The following CYP26A1 variants were observed in gnomAD, a reference collection of about 807,000 sequenced individuals.
The protein encoded by CYP26A1 is cytochrome P450 26A1.
CYP26A1 carries 46 observed loss-of-function variants against 47.4 expected under a neutral mutation model. The observed-to-expected ratio is 0.97, with a 90% confidence interval of 0.77 to 1.24. The LOEUF (loss-of-function observed/expected upper bound fraction) is 1.24. Ranked by LOEUF, CYP26A1 falls within the 50% of genes most tolerant of loss-of-function variation. CYP26A1 has a pLI of 0.00. For missense variants in CYP26A1, 680 were observed against 644.4 expected, an observed-to-expected ratio of 1.06 and a Z score of -0.60; for synonymous variants, 277 against 263.7, an observed-to-expected ratio of 1.05 and a Z score of -0.49.
At chr10:93,076,479 G>A (rs906041281) in intron 5 of CYP26A1, 65 bp from the exon 6 acceptor site, 24 of 1,160,832 alleles carry the variant, frequency 2.1e-5, no homozygotes, top group East Asian at 1.4e-4. Flanking sequence ...CCCTGTTTAC[G>A]TCTGCTGGGC....
In CYP26A1 at chr10:93,074,935, C is replaced by T. The variant is rs765973564; in HGVS notation, c.571C>T (p.Arg191Cys). ...VKRLMFRIAM[R>C]ILLGCEPQLA... ...GCGCCTCATGTTCCGAATCGCCATG[C>T]GCATCCTACTGGGCTGCGAACCCCA... is the stretch of plus-strand genomic sequence containing the variant. Residue 191 changes from arginine to cysteine, a missense_variant, in exon 3 of 7, where the codon CGC (arginine) becomes TGC (cysteine). Transcript: ENST00000224356. The surrounding 1 kb of genome is among the most constrained non-coding windows in gnomAD (Gnocchi z 5.3). 2 of 1,613,272 alleles carry T rather than the reference C, an allele frequency of 1.2e-6. No homozygotes were observed. Among genetic ancestry groups the T allele is most frequent in the Admixed American group, 3.3e-5 (2 of 60,032 alleles).
At chr10:93,073,846 A>G, upstream of CYP26A1, 1 of 614,756 alleles carries the variant, frequency 1.6e-6, no homozygotes, top group Non-Finnish European at 2.9e-6. Context: ...TAACGTGGGC[A>G]GCAACCTGGG....
Position 93,073,941 on chromosome 10 carries a change from C to A in CYP26A1, c.7C>A (p.Leu3Ile). The change falls in exon 1 of 7, where the codon CTC becomes ATC. Residue 3 changes from leucine (L) to isoleucine (I), a missense_variant. Transcript: ENST00000224356. ...CGGGAGGTCGCGGCGCGCCATGGGG[C>A]TCCCGGCGCTGCTGGCCAGTGCGCT... is the stretch of plus-strand genomic sequence containing the variant. MG[L>I]PALLASALCT... The A allele has an allele frequency of 9.8e-7, 1 of 1,025,206 alleles. No homozygotes were observed. The highest frequency in any genetic ancestry group is 1.5e-6 in the Non-Finnish European group (1 of 655,518). 63.5% of individuals were successfully genotyped at this position (1,025,206 alleles called of 1,614,324 possible). A position where few individuals can be genotyped will look rare whatever the true frequency, so the allele number is the denominator to read the frequency against.
chr10:93,074,499 C>A lies in CYP26A1; in HGVS notation c.381C>A (p.Asn127Lys). 6.2e-7 allele frequency: 1 copy of A among 1,609,310 alleles called. No individual in the cohort carries two copies. The highest frequency in any genetic ancestry group is 8.5e-7 in the Non-Finnish European group (1 of 1,176,348). The change falls in exon 2 of 7, where the codon AAC (asparagine) becomes AAA (lysine). Residue 127 changes from asparagine to lysine, a missense_variant. Asn to Lys is a moderately conservative substitution (Grantham distance 94). Coordinates refer to ENST00000224356, the MANE Select transcript of CYP26A1 (RefSeq NM_000783.4). The surrounding 1 kb of genome is among the most constrained non-coding windows in gnomAD (Gnocchi z 5.3). ...RTILGSGCLS[N>K]LHDSSHKQRK... ...TTCTGGGATCTGGCTGCCTCTCTAA[C>A]CTGCACGACTCCTCGCACAAGCAGC...
At position 93,075,244 on chromosome 10, in the gene CYP26A1, C is replaced by T. The variant is rs1387287197; in HGVS notation, c.801C>T (p.Cys267=). The T allele has an allele frequency of 1.2e-5, 20 of 1,614,078 alleles. No homozygotes were observed. The highest frequency in any genetic ancestry group is 2.2e-5 in the East Asian group (1 of 44,884). Reference sequence around the variant, plus strand: ...GGGCATCCGAGGCGGGCCAGGGCTGCAAAGACGCGCTGCAGCTGTTGATCG... The same window carrying T: ...GGGCATCCGAGGCGGGCCAGGGCTGTAAAGACGCGCTGCAGCTGTTGATCG... ...GLRASEAGQG[C]KDALQLLIEH... is the part of the protein sequence containing the mutation. Residue 267 remains cysteine (C), a synonymous_variant, in exon 4 of 7, where the codon TGC becomes TGT. Coordinates refer to ENST00000224356, the MANE Select transcript of CYP26A1 (RefSeq NM_000783.4).
In CYP26A1 at chr10:93,075,229, G is replaced by A; in HGVS notation, c.786G>A (p.Glu262=). ...AGATCTGCGGGCTGCGGGCATCCGA[G>A]GCGGGCCAGGGCTGCAAAGACGCGC... ...RAKICGLRAS[E]AGQGCKDALQ... Residue 262 remains glutamate, a synonymous_variant, in exon 4 of 7, where the codon GAG becomes GAA. Coordinates refer to ENST00000224356, the MANE Select transcript of CYP26A1 (RefSeq NM_000783.4). The A allele has an allele frequency of 1.2e-6, 2 of 1,614,048 alleles. No homozygotes were observed. Among genetic ancestry groups the A allele is most frequent in the Non-Finnish European group, 1.7e-6 (2 of 1,179,984 alleles).
At chr10:93,073,643 G>C (rs1337380129), upstream of CYP26A1, 1 of 458,428 alleles carries the variant, frequency 2.2e-6, no homozygotes, top group Non-Finnish European at 3.8e-6. Flanking sequence ...GCACACCTTG[G>C]ATGGGGGAGG....
chr10:93,076,520 A>C (rs1273475069), intron 5 of CYP26A1, 24 bp from the exon 6 acceptor site: 45 of 1,557,106 alleles, frequency 2.9e-5, no homozygotes, highest in Non-Finnish European at 3.8e-5. Flanking sequence ...ATAACTGTTC[A>C]CCTCTGTATG....
In CYP26A1 at chr10:93,075,285, G is replaced by C. The variant is rs779994733; in HGVS notation, c.842G>C (p.Arg281Thr). The C allele has an allele frequency of 3.8e-5, 62 of 1,614,032 alleles. No homozygotes were observed. In the South Asian group the frequency reaches 6.8e-4, roughly 18 times the overall value. The change falls in exon 4 of 7, where the codon AGG becomes ACG. Residue 281 changes from arginine (R) to threonine (T), a missense_variant. Physicochemically the swap from Arg to Thr is moderately conservative, Grantham distance 71. Transcript: ENST00000224356. ...CTGTTGATCGAGCACTCGTGGGAGA[G>C]GGGAGAGCGGCTGGACATGCAGGTG... ...LQLLIEHSWE[R>T]GERLDMQALK...
upstream of CYP26A1, chr10:93,073,645 T>G: frequency 4.4e-6 from 2 of 452,716 alleles, no homozygotes; most frequent in Non-Finnish European, 7.8e-6. Context: ...ACACCTTGGA[T>G]GGGGGAGGCG....
chr10:93,076,588 A>T lies in CYP26A1; in HGVS notation c.1044A>T (p.Glu348Asp), dbSNP rs1846980156. The change falls in exon 6 of 7, where the codon GAA becomes GAT. Residue 348 changes from glutamate (E) to aspartate (D), a missense_variant. By Grantham distance (45) the Glu-to-Asp change is conservative. Coordinates refer to ENST00000224356, the MANE Select transcript of CYP26A1 (RefSeq NM_000783.4). ...ATCAAGACAACAAGTTGGACATGGA[A>T]ATTTTGGAACAACTTAAATACATCG... The part of the protein sequence containing the change: ...KSNQDNKLDM[E>D]ILEQLKYIGC... 1 of 1,609,198 alleles carries T rather than the reference A, an allele frequency of 6.2e-7. No individual in the cohort carries two copies. Among genetic ancestry groups the T allele is most frequent in the East Asian group, 2.2e-5 (1 of 44,852 alleles).
chr10:93,075,667 G>T (rs149836093), intron 4 of CYP26A1, 159 bp from the exon 5 acceptor site: 89 of 612,708 alleles, frequency 1.5e-4, no homozygotes, highest in African/African-American at 1.3e-3. Flanking sequence ...CTAAAGGGAC[G>T]TTGCATTTTG....
chr10:93,074,783 T>A lies in CYP26A1; in HGVS notation c.419T>A (p.Ile140Asn), dbSNP rs776902987. Reference sequence around the variant, plus strand: ...TGTCCCCTCCTCGGGACTCAGGTGATTATGCGGGCCTTCAGCCGCGAGGCA... The same window carrying A: ...TGTCCCCTCCTCGGGACTCAGGTGAATATGCGGGCCTTCAGCCGCGAGGCA... Reference protein sequence around the residue: ...DSSHKQRKKVIMRAFSREALE... With the variant: ...DSSHKQRKKVNMRAFSREALE... Residue 140 changes from isoleucine to asparagine, a missense_variant, in exon 3 of 7, where the codon ATT (isoleucine) becomes AAT (asparagine). Coordinates refer to ENST00000224356, the MANE Select transcript of CYP26A1 (RefSeq NM_000783.4). The surrounding 1 kb of genome is among the most constrained non-coding windows in gnomAD (Gnocchi z 5.3). 1.2e-6 allele frequency: 2 copies of A among 1,602,488 alleles called. No individual in the cohort carries two copies. The highest frequency in any genetic ancestry group is 2.2e-5 in the South Asian group (2 of 90,908).
At position 93,074,643 on chromosome 10, in the gene CYP26A1, C is replaced by A; in HGVS notation, c.414+111C>A. On this transcript the variant is annotated intron_variant, in intron 2 of 6. Transcript: ENST00000224356. The surrounding 1 kb of genome is among the most constrained non-coding windows in gnomAD (Gnocchi z 5.3). ...GCAGCTTGAGGTGGGCTAGGACCCT[C>A]TGCCAGCTCCAGGTTAGCTTTCCCA... 9.4e-7 allele frequency: 1 copy of A among 1,059,780 alleles called. No individual in the cohort carries two copies. The highest frequency in any genetic ancestry group is 1.4e-6 in the Non-Finnish European group (1 of 699,790). The allele number at this position is 1,059,780 out of a possible 1,614,324, so 65.6% of individuals were successfully genotyped here.
chr10:93,076,306 T>TG (rs959739415), intron 5 of CYP26A1: 45 of 135,214 alleles, frequency 3.3e-4, no homozygotes, highest in East Asian at 1.6e-3. Context: ...GAGTGTGGGG[T>TG]GGGGGGGCGT....
At chr10:93,076,927 G>T in intron 6 of CYP26A1, 36 bp from the exon 7 acceptor site, 1 of 1,375,064 alleles carries the variant, frequency 7.3e-7, no homozygotes, top group South Asian at 1.4e-5. Context: ...TTAAATTCCA[G>T]TTTGTCAGCC....
Position 93,075,812 on chromosome 10 carries a change from CA to C in CYP26A1, c.865-13del. On this transcript the variant is annotated splice_polypyrimidine_tract_variant and intron_variant, in intron 4 of 6. Coordinates refer to ENST00000224356, the MANE Select transcript of CYP26A1 (RefSeq NM_000783.4). ...GGCAGACTTGTGAGAATGTGGGTCT[CA>C]CTCTATTCTTAGGCACTAAAGCAAT... The C allele has an allele frequency of 1.9e-6, 3 of 1,606,334 alleles. No homozygotes were observed. In the South Asian group the frequency reaches 3.3e-5, roughly 18 times the overall value.
chr10:93,075,131 C>G lies in CYP26A1; in HGVS notation c.706-18C>G. ...GGACCTGGGCGTCTGCTCACCGCCG[C>G]GCGCTCTCTGCGCTCAGGGCATGAA... On this transcript the variant is annotated intron_variant, in intron 3 of 6. Coordinates refer to ENST00000224356, the MANE Select transcript of CYP26A1 (RefSeq NM_000783.4). 1 of 1,611,484 alleles carries G rather than the reference C, an allele frequency of 6.2e-7. No individual in the cohort carries two copies. The highest frequency in any genetic ancestry group is 8.5e-7 in the Non-Finnish European group (1 of 1,178,620).
rs146619916 is a variant in CYP26A1, at chr10:93,076,616, T to C, written c.1072T>C (p.Cys358Arg). 7.9e-5 allele frequency: 127 copies of C among 1,605,710 alleles called. No homozygotes were observed. Among genetic ancestry groups the C allele is most frequent in the Middle Eastern group, 6.6e-4 (4 of 6,076 alleles). The change falls in exon 6 of 7, where the codon TGT becomes CGT. Residue 358 changes from cysteine (C) to arginine (R), a missense_variant. Transcript: ENST00000224356. Reference sequence around the variant, plus strand: ...TTTGGAACAACTTAAATACATCGGGTGTGTTATTAAGGAGACCCTTCGACT... The same window carrying C: ...TTTGGAACAACTTAAATACATCGGGCGTGTTATTAAGGAGACCCTTCGACT... ...EILEQLKYIGCVIKETLRLNP... is the reference protein window; with the variant it reads ...EILEQLKYIGRVIKETLRLNP...
Sources: allele counts gnomAD v4.1 joint callset, GRCh38; gene constraint gnomAD v4.1.1; non-coding constraint Gnocchi (gnomAD v3.1); transcripts MANE v1.5; gene names NCBI Gene and HGNC (gene_info 2026-07-23, HGNC 2026-07-21).